MTHFD1L: variants seen among roughly 807,000 people sequenced by gnomAD.
MTHFD1L encodes monofunctional C1-tetrahydrofolate synthase, mitochondrial.
Under a neutral mutation model 119.5 loss-of-function variants are expected in MTHFD1L, and 81 were observed. The observed-to-expected ratio is 0.68, with a 90% CI of 0.57 to 0.82. MTHFD1L has a LOEUF of 0.82. Ranked by LOEUF, MTHFD1L falls within the 40% of genes least tolerant of loss-of-function variation. The pLI is 0.00. For synonymous variants in MTHFD1L, 430 were observed against 475.2 expected (o/e 0.90, Z 1.24); for missense variants, 1,125 against 1,253.4 (o/e 0.90, Z 1.55).
At chr6:151,056,435 G>A (rs776556292) in intron 26 of MTHFD1L, among the ~76,000 whole-genome samples, 9 of 152,148 alleles carry the variant, frequency 5.9e-5, no homozygotes, top group African/African-American at 1.9e-4. Context: ...ACAGCCACCC[G>A]GCTTTTTCTG....
intron 20 of MTHFD1L, among the ~76,000 whole-genome samples, chr6:150,974,040 T>TG (rs1391703771): frequency 1.3e-5 from 2 of 152,194 alleles, no homozygotes; most frequent in African/African-American, 4.8e-5. Context: ...ATGCCGTAAG[T>TG]GGGGGGGTTT....
At chr6:150,872,301 T>C (rs759155016) in intron 1 of MTHFD1L, among the ~76,000 whole-genome samples, 2 of 152,252 alleles carry the variant, frequency 1.3e-5, no homozygotes, top group Admixed American at 6.5e-5. Context: ...GCTTTTGACC[T>C]ATCTTGGCTT....
chr6:151,061,915 A>G (rs1013298815), intron 26 of MTHFD1L, among the ~76,000 whole-genome samples: 18 of 152,192 alleles, frequency 1.2e-4, no homozygotes, highest in Non-Finnish European at 2.5e-4. Flanking sequence ...CAAAATGACA[A>G]AGTCAGGCAT....
intron 8 of MTHFD1L, among the ~76,000 whole-genome samples, chr6:150,910,742 T>C (rs978140653): frequency 6.6e-6 from 1 of 152,104 alleles, no homozygotes; most frequent in Non-Finnish European, 1.5e-5. Flanking sequence ...TAGCTGCCAA[T>C]AAATGCTGGT....
chr6:150,894,143 G>A (rs1192091810), intron 7 of MTHFD1L, among the ~76,000 whole-genome samples: 1 of 152,172 alleles, frequency 6.6e-6, no homozygotes, highest in African/African-American at 2.4e-5. Context: ...GCTGAGGTGG[G>A]ATGATCACCT....
intron 26 of MTHFD1L, among the ~76,000 whole-genome samples, chr6:151,077,552 G>C (rs528440636): frequency 6.6e-6 from 1 of 152,090 alleles, no homozygotes; most frequent in East Asian, 1.9e-4. Flanking sequence ...CTGGTGGCAC[G>C]CATCTGTAAT....
At chr6:151,041,860 T>C in intron 26 of MTHFD1L, 1 of 528,690 alleles carries the variant, frequency 1.9e-6, no homozygotes. Flanking sequence ...ATCTCCAGCA[T>C]TGCTGGCTTT....
chr6:150,922,643 C>T (rs550368378), intron 10 of MTHFD1L, among the ~76,000 whole-genome samples: 213 of 85,964 alleles, frequency 2.5e-3, no homozygotes, highest in South Asian at 9.7e-3. Flanking sequence ...TTTCCCCCCC[C>T]ACCCTTTTTT....
chr6:151,100,183 G>A (rs1196486946), intron 27 of MTHFD1L, among the ~76,000 whole-genome samples: 1 of 151,920 alleles, frequency 6.6e-6, no homozygotes, highest in Non-Finnish European at 1.5e-5. Flanking sequence ...ACAGGCACCT[G>A]CCACCACGCC....
At chr6:151,065,552 C>T (rs1791137059) in intron 26 of MTHFD1L, among the ~76,000 whole-genome samples, 1 of 152,242 alleles carries the variant, frequency 6.6e-6, no homozygotes, top group African/African-American at 2.4e-5. Context: ...GTGCTCCGTT[C>T]CTCAGCCCTG....
intron 7 of MTHFD1L, among the ~76,000 whole-genome samples, chr6:150,892,467 C>A (rs982662412): frequency 4.6e-5 from 7 of 152,150 alleles, no homozygotes; most frequent in African/African-American, 1.4e-4. Context: ...GGTTCTCTTT[C>A]ATAGTTGATG....
chr6:150,882,941 G>A (rs1359950184), intron 5 of MTHFD1L, 55 bp downstream of exon 5: 2 of 1,445,620 alleles, frequency 1.4e-6, no homozygotes, highest in African/African-American at 1.5e-5. Flanking sequence ...TTTTTCTATT[G>A]TGCCTGCTTT....
intron 9 of MTHFD1L, among the ~76,000 whole-genome samples, chr6:150,919,983 C>T (rs558005070): frequency 1.3e-5 from 2 of 152,338 alleles, no homozygotes; most frequent in Admixed American, 6.5e-5. Flanking sequence ...GGCATACTCA[C>T]ATGGCTGTGG....
At chr6:151,057,428 C>A in intron 26 of MTHFD1L, 1 of 816,370 alleles carries the variant, frequency 1.2e-6, no homozygotes, top group Non-Finnish European at 1.5e-6. Context: ...ATTGCTTGAG[C>A]CCAGGAGTTT....
At chr6:150,933,369 C>T (rs143695312) in intron 11 of MTHFD1L, among the ~76,000 whole-genome samples, 1 of 152,070 alleles carries the variant, frequency 6.6e-6, no homozygotes, top group Non-Finnish European at 1.5e-5. Flanking sequence ...TTTACAGGCT[C>T]TTCTAAGATT....
At chr6:151,042,259 A>G (rs1281281810) in intron 26 of MTHFD1L, among the ~76,000 whole-genome samples, 1 of 152,052 alleles carries the variant, frequency 6.6e-6, no homozygotes, top group African/African-American at 2.4e-5. Context: ...AGTAAGCTTC[A>G]TATGTATTTT....
At chr6:150,866,798 G>A (rs1778429695) in intron 1 of MTHFD1L, among the ~76,000 whole-genome samples, 1 of 152,174 alleles carries the variant, frequency 6.6e-6, no homozygotes, top group Non-Finnish European at 1.5e-5. Context: ...GGCCTTTCCC[G>A]TCCCGGTCCC....
At chr6:150,921,669 T>G (rs1283593182) in intron 9 of MTHFD1L, among the ~76,000 whole-genome samples, 2 of 152,226 alleles carry the variant, frequency 1.3e-5, no homozygotes, top group Non-Finnish European at 2.9e-5. Context: ...CACCTCAGCC[T>G]CCCGAGTAGC....
At chr6:150,962,836 C>T (rs1796633502) in intron 18 of MTHFD1L, among the ~76,000 whole-genome samples, 1 of 152,022 alleles carries the variant, frequency 6.6e-6, no homozygotes, top group Admixed American at 6.5e-5. Context: ...CCTCTTCTTC[C>T]ACCTGCTCTG....
Sources: allele counts gnomAD v4.1 joint callset (sites outside exome capture counted in the v4.1 genomes callset), GRCh38; gene constraint gnomAD v4.1.1; transcripts MANE v1.5; gene names NCBI Gene and HGNC (gene_info 2026-07-23, HGNC 2026-07-21).